Variants in ST8SIA4 observed in about 807,000 individuals in gnomAD.
ST8SIA4 encodes ST8 alpha-N-acetyl-neuraminide alpha-2,8-sialyltransferase 4.
In ST8SIA4, 15 loss-of-function variants were observed where a neutral mutation model predicts 33.9. That is an observed-to-expected ratio of 0.44 (90% CI 0.30 to 0.68). The LOEUF is 0.68. ST8SIA4 is among the 30% of genes least tolerant of loss of function. The pLI is 0.10. For missense variants in ST8SIA4, 321 were observed against 428.0 expected, an observed-to-expected ratio of 0.75 and a Z score of 2.21; for synonymous variants, 171 against 151.2, an observed-to-expected ratio of 1.13 and a Z score of -0.96.
At chr5:100,846,763 GC>G in intron 4 of ST8SIA4, among the ~76,000 whole-genome samples, 1 of 152,174 alleles carries the variant, frequency 6.6e-6, no homozygotes, top group African/African-American at 2.4e-5. Flanking sequence ...ATTTCGCAAA[GC>G]CTTTTAGTCT....
At chr5:100,816,454 T>A (rs751803700) in intron 4 of ST8SIA4, 12 of 517,716 alleles carry the variant, frequency 2.3e-5, no homozygotes, top group Non-Finnish European at 3.9e-5. Flanking sequence ...GTGTTTATAT[T>A]TAAATAAAGA....
At chr5:100,872,986 C>G (rs1288789748) in intron 3 of ST8SIA4, among the ~76,000 whole-genome samples, 1 of 151,910 alleles carries the variant, frequency 6.6e-6, no homozygotes, top group Admixed American at 6.6e-5. Context: ...CACCTGGACA[C>G]TGTAATCAAA....
chr5:100,831,572 A>G (rs1751262291), intron 4 of ST8SIA4, among the ~76,000 whole-genome samples: 1 of 152,078 alleles, frequency 6.6e-6, no homozygotes, highest in Admixed American at 6.5e-5. Context: ...AATGTTCAAT[A>G]AATGGAATTA....
Position 100,893,314 on chromosome 5 carries a change from G to T in ST8SIA4, c.245+2340C>A, listed in dbSNP as rs193084686. Among the ~76,000 whole-genome samples the T allele has an allele frequency of 5.0e-4, 76 of 151,972 alleles. 1 individual carries two copies. Among genetic ancestry groups the T allele is most frequent in the African/African-American group, 1.8e-3 (75 of 41,390 alleles). ...TGCTATAGCCAATTCTAATTTTTATGAACTCTTTGCACATTGTACAATAAT... is the reference window on the plus strand; with the variant it reads ...TGCTATAGCCAATTCTAATTTTTATTAACTCTTTGCACATTGTACAATAAT... On this transcript the variant is annotated intron_variant, in intron 2 of 4. Transcript: ENST00000231461.
chr5:100,833,562 C>T (rs541084681), intron 4 of ST8SIA4, among the ~76,000 whole-genome samples: 1 of 152,088 alleles, frequency 6.6e-6, no homozygotes, highest in South Asian at 2.1e-4. Context: ...TAATTCATTC[C>T]TCAGTTTTCT....
intron 4 of ST8SIA4, among the ~76,000 whole-genome samples, chr5:100,850,810 GTA>G (rs1751678895): frequency 6.6e-6 from 1 of 151,202 alleles, no homozygotes; most frequent in South Asian, 2.1e-4. Context: ...ACATGTGTGT[GTA>G]TATATATGTA....
intron 4 of ST8SIA4, among the ~76,000 whole-genome samples, chr5:100,834,785 C>T (rs542953810): frequency 6.6e-6 from 1 of 152,196 alleles, no homozygotes; most frequent in African/African-American, 2.4e-5. Context: ...CATGTGAGAG[C>T]CTGTCCCACT....
intron 1 of ST8SIA4, 94 bp downstream of exon 1, chr5:100,902,749 A>G (rs1752948816): frequency 3.7e-6 from 4 of 1,081,492 alleles, no homozygotes; most frequent in Non-Finnish European, 5.6e-6. Context: ...AAACAAACAC[A>G]CATGCTATCC....
chr5:100,863,311 A>G (rs978630140), intron 3 of ST8SIA4, among the ~76,000 whole-genome samples: 3 of 152,172 alleles, frequency 2.0e-5, no homozygotes, highest in African/African-American at 7.2e-5. Context: ...CACACACACT[A>G]AAGGAGGGAG....
rs536557306 is a variant in ST8SIA4 at position 100,843,282 on chromosome 5, T to C, written c.797+12821A>G. ...AGAATGGGAAAAGCAATATAGACCATACTTTCATTATGAAAACAATTTGAT... is the reference window on the plus strand; with the variant it reads ...AGAATGGGAAAAGCAATATAGACCACACTTTCATTATGAAAACAATTTGAT... On this transcript the variant is annotated intron_variant, in intron 4 of 4. Coordinates refer to ENST00000231461, the MANE Select transcript of ST8SIA4 (RefSeq NM_005668.6). 2.0e-4 allele frequency among the ~76,000 whole-genome samples: 30 copies of C among 152,030 alleles called. 1 individual carries two copies. The South Asian group carries it at 6.2e-3, about 31-fold the overall frequency.
At chr5:100,814,183 G>A (rs115366348) in intron 4 of ST8SIA4, among the ~76,000 whole-genome samples, 1,771 of 152,080 alleles carry the variant, frequency 0.012, 13 homozygotes, top group Middle Eastern at 0.017. Flanking sequence ...TGTCAGAGAC[G>A]TGAAATCACT....
chr5:100,832,666 C>G (rs1221500164), intron 4 of ST8SIA4, among the ~76,000 whole-genome samples: 1 of 152,008 alleles, frequency 6.6e-6, no homozygotes, highest in East Asian at 1.9e-4. Context: ...CTTAGATCAC[C>G]ATTAATTTGC....
chr5:100,827,221 G>T (rs957239591), intron 4 of ST8SIA4, among the ~76,000 whole-genome samples: 1 of 152,090 alleles, frequency 6.6e-6, no homozygotes, highest in East Asian at 1.9e-4. Flanking sequence ...TCAATATCAA[G>T]AAATAAATAT....
chr5:100,863,784 T>A (rs1580469173), intron 3 of ST8SIA4, among the ~76,000 whole-genome samples: 1 of 152,220 alleles, frequency 6.6e-6, no homozygotes, highest in South Asian at 2.1e-4. Context: ...AATACAATTA[T>A]CTTTTCTGAT....
At chr5:100,817,169 AT>A (rs1435069000) in intron 4 of ST8SIA4, among the ~76,000 whole-genome samples, 1 of 112,042 alleles carries the variant, frequency 8.9e-6, no homozygotes, top group Non-Finnish European at 1.7e-5. Context: ...GGGTTTCACC[AT>A]GTTGGCCAGG....
intron 3 of ST8SIA4, among the ~76,000 whole-genome samples, chr5:100,870,987 G>T (rs984234351): frequency 1.3e-5 from 2 of 152,040 alleles, no homozygotes; most frequent in African/African-American, 4.8e-5. Context: ...ACTATAAGTG[G>T]TTATTCGTTT....
intron 4 of ST8SIA4, among the ~76,000 whole-genome samples, chr5:100,828,210 TG>T (rs1751181024): frequency 6.6e-6 from 1 of 152,154 alleles, no homozygotes; most frequent in Non-Finnish European, 1.5e-5. Context: ...CATTACACAC[TG>T]GGGCCTGCAT....
chr5:100,837,042 G>A (rs993236817), intron 4 of ST8SIA4, among the ~76,000 whole-genome samples: 1 of 148,996 alleles, frequency 6.7e-6, no homozygotes, highest in Non-Finnish European at 1.5e-5. Flanking sequence ...CGTAATACCT[G>A]AGGGAAATAA....
At position 100,862,101 on chromosome 5, in the gene ST8SIA4, T is replaced by C. The variant is rs546451238; in HGVS notation, c.504-5705A>G. Among the ~76,000 whole-genome samples the C allele has an allele frequency of 2.2e-3, 331 of 152,342 alleles. 1 individual carries two copies. Among genetic ancestry groups the C allele is most frequent in the Non-Finnish European group, 4.0e-3 (272 of 68,024 alleles). ...TATTTATAACACATTTAGTAAGCCA[T>C]TGTGGCTGAAATTTACTTTTGATCC... is the stretch of plus-strand genomic sequence containing the variant. On this transcript the variant is annotated intron_variant, in intron 3 of 4. Transcript: ENST00000231461.
Sources: gnomAD v4.1 joint callset for allele counts (sites outside exome capture counted in the v4.1 genomes callset) on GRCh38, gnomAD v4.1.1 for gene constraint, MANE v1.5 for transcripts, NCBI Gene and HGNC (gene_info 2026-07-23, HGNC 2026-07-21) for gene names.